NUDT3: variants seen among roughly 807,000 people sequenced by gnomAD.
The protein encoded by NUDT3 is nudix hydrolase 3, also known as diphosphoinositol polyphosphate phosphohydrolase 1.
A neutral mutation model predicts 23.6 loss-of-function variants in NUDT3; 9 were observed. That is an observed-to-expected ratio of 0.38 (90% CI 0.23 to 0.66). NUDT3 has a LOEUF of 0.66. NUDT3 is among the 30% of genes least tolerant of loss of function. The pLI is 0.52. For missense variants in NUDT3, 172 were observed against 218.5 expected, an observed-to-expected ratio of 0.79 and a Z score of 1.34; for synonymous variants, 86 against 82.6, an observed-to-expected ratio of 1.04 and a Z score of -0.22.
chr6:34,356,686 G>A (rs1215454839), intron 1 of NUDT3, among the ~76,000 whole-genome samples: 1 of 151,772 alleles, frequency 6.6e-6, no homozygotes, highest in African/African-American at 2.4e-5. Flanking sequence ...CTAATTTGGG[G>A]AATAATGACA....
chr6:34,351,219 A>AAAAAAAAAAAAAAC, intron 1 of NUDT3, among the ~76,000 whole-genome samples: 1 of 137,444 alleles, frequency 7.3e-6, no homozygotes, highest in Non-Finnish European at 1.6e-5. Flanking sequence ...AAAAAAAAAA[A>AAAAAAAAAAAAAAC]AAAAAAACAC....
At chr6:34,384,626 A>T (rs1444457333) in intron 1 of NUDT3, among the ~76,000 whole-genome samples, 1 of 152,212 alleles carries the variant, frequency 6.6e-6, no homozygotes, top group African/African-American at 2.4e-5. Flanking sequence ...GAATAATATG[A>T]CAGATGAATA....
chr6:34,325,193 A>G (rs1173022094), intron 2 of NUDT3, among the ~76,000 whole-genome samples: 1 of 151,966 alleles, frequency 6.6e-6, no homozygotes, highest in Non-Finnish European at 1.5e-5. Context: ...TTAAAACATG[A>G]TATGCTTTCA....
chr6:34,353,908 G>A (rs531051473), intron 1 of NUDT3, among the ~76,000 whole-genome samples: 98 of 151,822 alleles, frequency 6.5e-4, no homozygotes, highest in Non-Finnish European at 2.2e-4. Flanking sequence ...TGTTGCCCAG[G>A]CTAGTCTTTT....
At chr6:34,361,716 A>C (rs1226841243) in intron 1 of NUDT3, among the ~76,000 whole-genome samples, 3 of 152,256 alleles carry the variant, frequency 2.0e-5, no homozygotes, top group Non-Finnish European at 4.4e-5. Flanking sequence ...ATGAAAAGAC[A>C]TAGAGGAAAC....
At chr6:34,380,418 C>T (rs1450784873) in intron 1 of NUDT3, among the ~76,000 whole-genome samples, 2 of 152,002 alleles carry the variant, frequency 1.3e-5, no homozygotes, top group East Asian at 3.9e-4. Context: ...AGTGGCACGA[C>T]CATGGCTCAC....
At chr6:34,392,241 G>A (rs749810845) in intron 1 of NUDT3, 23 bp downstream of exon 1, 2 of 1,555,266 alleles carry the variant, frequency 1.3e-6, no homozygotes, top group South Asian at 1.2e-5. Flanking sequence ...GGCGACCCCG[G>A]CCCGCCCAGC....
At chr6:34,357,196 AT>A (rs1764575265) in intron 1 of NUDT3, among the ~76,000 whole-genome samples, 2 of 152,174 alleles carry the variant, frequency 1.3e-5, no homozygotes, top group Non-Finnish European at 2.9e-5. Context: ...GGGAGGAGTG[AT>A]TACGAATATA....
intron 1 of NUDT3, among the ~76,000 whole-genome samples, chr6:34,357,056 C>T (rs1419513552): frequency 2.0e-5 from 3 of 152,154 alleles, no homozygotes; most frequent in East Asian, 1.9e-4. Flanking sequence ...GGATTACAGG[C>T]GTGAACCACC....
At chr6:34,357,577 A>G (rs1039477565) in intron 1 of NUDT3, among the ~76,000 whole-genome samples, 4 of 151,452 alleles carry the variant, frequency 2.6e-5, no homozygotes, top group Non-Finnish European at 2.9e-5. Context: ...TCATCCCACT[A>G]TACTGCATCC....
chr6:34,351,908 T>C (rs933556222), intron 1 of NUDT3, among the ~76,000 whole-genome samples: 10 of 151,884 alleles, frequency 6.6e-5, no homozygotes, highest in Admixed American at 6.6e-5. Flanking sequence ...TTGAATATTT[T>C]AGAACAAATA....
intron 1 of NUDT3, among the ~76,000 whole-genome samples, chr6:34,379,968 T>TTA (rs1314965125): frequency 6.6e-6 from 1 of 151,712 alleles, no homozygotes; most frequent in East Asian, 2.0e-4. Context: ...GATCGAGCCA[T>TTA]TACACTCCAG....
intron 2 of NUDT3, among the ~76,000 whole-genome samples, chr6:34,321,929 TTTAA>T (rs1763948351): frequency 6.6e-6 from 1 of 152,204 alleles, no homozygotes; most frequent in Admixed American, 6.5e-5. Context: ...TTTATTTAAT[TTTAA>T]TTAGTTTGTT....
At chr6:34,373,901 C>T (rs1457034546) in intron 1 of NUDT3, among the ~76,000 whole-genome samples, 1 of 152,026 alleles carries the variant, frequency 6.6e-6, no homozygotes. Context: ...TGCCTGTAAT[C>T]CCAGCACTTT....
At chr6:34,368,490 A>G (rs1764774334) in intron 1 of NUDT3, among the ~76,000 whole-genome samples, 1 of 152,220 alleles carries the variant, frequency 6.6e-6, no homozygotes. Context: ...AGTCTGGTTT[A>G]TTTGGCTGTC....
At chr6:34,371,118 G>GA (rs201329501) in intron 1 of NUDT3, among the ~76,000 whole-genome samples, 187 of 136,482 alleles carry the variant, frequency 1.4e-3, no homozygotes, top group Admixed American at 1.9e-3. Flanking sequence ...CTCAAAAAAA[G>GA]AAAAAAAAAA....
intron 2 of NUDT3, among the ~76,000 whole-genome samples, chr6:34,302,808 A>G (rs919363135): frequency 1.3e-5 from 2 of 152,188 alleles, no homozygotes; most frequent in Non-Finnish European, 2.9e-5. Context: ...TATCTTTTCT[A>G]ATTATCTGAG....
intron 1 of NUDT3, among the ~76,000 whole-genome samples, chr6:34,349,908 G>A (rs1764440772): frequency 6.7e-6 from 1 of 150,280 alleles, no homozygotes; most frequent in Admixed American, 6.6e-5. Context: ...GGTTAAAACG[G>A]TGAAACCCCG....
chr6:34,370,683 A>G (rs1764812426), intron 1 of NUDT3, among the ~76,000 whole-genome samples: 1 of 152,216 alleles, frequency 6.6e-6, no homozygotes, highest in South Asian at 2.1e-4. Flanking sequence ...TGACCATCAA[A>G]CCAGTGAAGT....
Sources: gnomAD v4.1 joint callset for allele counts (sites outside exome capture counted in the v4.1 genomes callset) on GRCh38, gnomAD v4.1.1 for gene constraint, MANE v1.5 for transcripts, NCBI Gene and HGNC (gene_info 2026-07-23, HGNC 2026-07-21) for gene names.